ASB14: variants seen among roughly 807,000 people sequenced by gnomAD.
ASB14 encodes the protein ankyrin repeat and SOCS box containing 14.
Under a neutral mutation model 55.6 loss-of-function variants are expected in ASB14, and 63 were observed. The observed-to-expected ratio is 1.13, with a 90% CI of 0.92 to 1.40. The LOEUF (loss-of-function observed/expected upper bound fraction) is 1.40. Among genes scored for constraint, ASB14 ranks in the 40% most tolerant of loss-of-function variants. The pLI, the probability that ASB14 is intolerant of heterozygous loss-of-function variation, is 0.00. For missense variants in ASB14, 724 were observed against 710.4 expected (o/e 1.02, Z -0.22); for synonymous variants, 256 against 259.9 (o/e 0.98, Z 0.15).
Position 57,274,188 on chromosome 3 carries a change from C to T in ASB14, c.*22+2340G>A, listed in dbSNP as rs138381064. On this transcript the variant is annotated intron_variant, in intron 10 of 10. Coordinates refer to ENST00000487349, the MANE Select transcript of ASB14 (RefSeq NM_001142733.3). The stretch of plus-strand genomic sequence containing the variant: ...AAAAAAATCATATAGCTTCAGTTTC[C>T]CTAGAATGGACTATCTAATTCTTTT... Among the ~76,000 whole-genome samples, 71 of 152,182 alleles carry T rather than the reference C, an allele frequency of 4.7e-4. No individual in the cohort carries two copies. In the East Asian group the frequency reaches 0.013, roughly 27 times the overall value.
rs1256794353 is a variant in ASB14, at chr3:57,269,769, A to G, written c.*23-151T>C. ...GGCAGAAGGTAACAACTATGTTGAAATATCAAGGAGGAGATTAAGCTTTAT... is the reference window on the plus strand; with the variant it reads ...GGCAGAAGGTAACAACTATGTTGAAGTATCAAGGAGGAGATTAAGCTTTAT... On this transcript the variant is annotated intron_variant, in intron 10 of 10. Transcript: ENST00000487349. 3 of 1,461,842 alleles carry G rather than the reference A, an allele frequency of 2.1e-6. No individual in the cohort carries two copies. The African/African-American group carries it at 4.2e-5, about 20-fold the overall frequency. The allele number at this position is 1,461,842 out of a possible 1,614,324, so 90.6% of individuals were successfully genotyped here.
At chr3:57,281,032 T>C (rs1407380512) in intron 6 of ASB14, among the ~76,000 whole-genome samples, 2 of 152,036 alleles carry the variant, frequency 1.3e-5, no homozygotes, top group African/African-American at 4.8e-5. Flanking sequence ...TCCAAAATGC[T>C]TGGGACCAGA....
chr3:57,281,745 T>A (rs2061042309), intron 6 of ASB14, among the ~76,000 whole-genome samples: 1 of 152,208 alleles, frequency 6.6e-6, no homozygotes, highest in Non-Finnish European at 1.5e-5. Context: ...TCCCCAAAGA[T>A]GCACACCTAG....
At chr3:57,281,502 T>G (rs2061040015) in intron 6 of ASB14, among the ~76,000 whole-genome samples, 1 of 152,106 alleles carries the variant, frequency 6.6e-6, no homozygotes, top group Non-Finnish European at 1.5e-5. Flanking sequence ...AAAAAAGATG[T>G]AGTGACTTTA....
At chr3:57,285,820 C>CA (rs1408228273) in intron 5 of ASB14, among the ~76,000 whole-genome samples, 1 of 152,118 alleles carries the variant, frequency 6.6e-6, no homozygotes, top group Non-Finnish European at 1.5e-5. Context: ...AGTGCCTGGT[C>CA]ATGTTTGGTC....
chr3:57,279,051 A>G, intron 7 of ASB14, 131 bp from the exon 8 acceptor site: 1 of 807,758 alleles, frequency 1.2e-6, no homozygotes, highest in Non-Finnish European at 1.9e-6. Context: ...AACCAAAAAA[A>G]AAAGCATAAT....
At chr3:57,286,525 T>C (rs2061082096) in intron 5 of ASB14, among the ~76,000 whole-genome samples, 2 of 152,212 alleles carry the variant, frequency 1.3e-5, no homozygotes, top group Non-Finnish European at 2.9e-5. Flanking sequence ...CTAAAACATC[T>C]AACTTTATCC....
chr3:57,289,645 C>G (rs2061112357), intron 2 of ASB14, among the ~76,000 whole-genome samples: 1 of 146,914 alleles, frequency 6.8e-6, no homozygotes, highest in Non-Finnish European at 1.5e-5. Flanking sequence ...ATTTATGAAA[C>G]TTATTTTAAA....
intron 10 of ASB14, chr3:57,273,355 A>AT (rs1489147242): frequency 6.6e-6 from 1 of 152,578 alleles, no homozygotes; most frequent in Admixed American, 6.6e-5. Context: ...TGGAGAACTT[A>AT]TTTTTTCATT....
rs774716466 is a variant in ASB14 at position 57,283,264 on chromosome 3, A to G, written c.645T>C (p.Tyr215=). Residue 215 remains tyrosine, a synonymous_variant, in exon 6 of 11, where the codon TAT becomes TAC. Transcript: ENST00000487349. ...CAGCAAGAGCAAGAGGAGTGAATCCATACGTGCTCTGTGGGTCAGGGTGTG... is the reference window on the plus strand; with the variant it reads ...CAGCAAGAGCAAGAGGAGTGAATCCGTACGTGCTCTGTGGGTCAGGGTGTG... The part of the protein sequence containing the change: ...SGAHPDPQST[Y]GFTPLALAAQ... The G allele has an allele frequency of 4.5e-5, 70 of 1,552,046 alleles. No individual in the cohort carries two copies. Among genetic ancestry groups the G allele is most frequent in the Middle Eastern group, 1.7e-4 (1 of 5,996 alleles).
chr3:57,284,115 T>TGTGTGTGTGTGTGTGTGG (rs2061061714), intron 5 of ASB14, among the ~76,000 whole-genome samples: 1 of 151,184 alleles, frequency 6.6e-6, no homozygotes, highest in South Asian at 2.1e-4. Flanking sequence ...TGTGTGTGTG[T>TGTGTGTGTGTGTGTGTGG]GTGTGTGTGT....
rs1248034806 is a variant in ASB14 at position 57,269,616 on chromosome 3, G to T, written c.*25C>A. 6.2e-7 allele frequency: 1 copy of T among 1,614,116 alleles called. No individual in the cohort carries two copies. The highest frequency in any genetic ancestry group is 1.1e-5 in the South Asian group (1 of 91,072). ...AGCCAGTAGTGAGGGGCAGTTTGTT[G>T]TCCTTAGCAGTAGCCAGTCAGAAGA... On this transcript the variant is annotated splice_region_variant and 3_prime_UTR_variant, in exon 11 of 11. Coordinates refer to ENST00000487349, the MANE Select transcript of ASB14 (RefSeq NM_001142733.3).
At chr3:57,279,264 CTTTTTTTTTTTTTTT>C (rs869152915) in intron 7 of ASB14, among the ~76,000 whole-genome samples, 6 of 88,030 alleles carry the variant, frequency 6.8e-5, no homozygotes, top group Admixed American at 1.3e-4. Flanking sequence ...AAGAGTTTTT[CTTTTTTTTTTTTTTT>C]TTTTTTTTTT....
intron 10 of ASB14, among the ~76,000 whole-genome samples, chr3:57,275,973 A>G (rs2060982431): frequency 6.6e-6 from 1 of 152,302 alleles, no homozygotes; most frequent in South Asian, 2.1e-4. Context: ...AAAATACAGT[A>G]TGTTTAGGGT....
Position 57,278,625 on chromosome 3 carries a change from T to C in ASB14, c.1183A>G (p.Arg395Gly). Residue 395 changes from arginine to glycine, a missense_variant, in exon 8 of 11, where the codon AGG becomes GGG. Coordinates refer to ENST00000487349, the MANE Select transcript of ASB14 (RefSeq NM_001142733.3). ...DPVNCLQIAL[R>G]MGNYELISLL... ...CTGATCAGCTCATAGTTGCCCATCC[T>C]GAGGGCTATCTGGAGGCAGTTAACC... The C allele has an allele frequency of 6.2e-7, 1 of 1,614,204 alleles. No homozygotes were observed. Among genetic ancestry groups the C allele is most frequent in the East Asian group, 2.2e-5 (1 of 44,886 alleles).
chr3:57,291,503 T>C (rs1289066190), intron 2 of ASB14, among the ~76,000 whole-genome samples: 5 of 152,210 alleles, frequency 3.3e-5, no homozygotes, highest in African/African-American at 1.2e-4. Flanking sequence ...TTGATTTGAG[T>C]AGATCAAAGA....
intron 10 of ASB14, chr3:57,271,208 A>ATAAC (rs1217633003): frequency 6.8e-6 from 1 of 147,706 alleles, no homozygotes; most frequent in Non-Finnish European, 1.5e-5. Context: ...GTCTCAAAAT[A>ATAAC]TAACTCAGCT....
rs2061002954 is a variant in ASB14 at position 57,277,874 on chromosome 3, T to C, written c.1478A>G (p.Lys493Arg). The change falls in exon 9 of 11, where the codon AAG becomes AGG. Residue 493 changes from lysine to arginine, a missense_variant. Coordinates refer to ENST00000487349, the MANE Select transcript of ASB14 (RefSeq NM_001142733.3). ...ATAATCAAGCATCACTCGAACAACC[T>C]TTCCAGAGAGATGTTGCAGCCATGA... is the stretch of plus-strand genomic sequence containing the variant. ...TLSWLQHLSG[K>R]VVRVMLDYVD... The C allele has an allele frequency of 5.6e-6, 9 of 1,613,928 alleles. No homozygotes were observed. Among genetic ancestry groups the C allele is most frequent in the Non-Finnish European group, 7.6e-6 (9 of 1,179,890 alleles).
chr3:57,290,573 T>G (rs2061121024), intron 2 of ASB14, among the ~76,000 whole-genome samples: 1 of 152,212 alleles, frequency 6.6e-6, no homozygotes, highest in Non-Finnish European at 1.5e-5. Flanking sequence ...TTACTCCACA[T>G]GTCACAAGTA....
Sources: allele counts gnomAD v4.1 joint callset (sites outside exome capture counted in the v4.1 genomes callset), GRCh38; gene constraint gnomAD v4.1.1; transcripts MANE v1.5; gene names NCBI Gene and HGNC (gene_info 2026-07-23, HGNC 2026-07-21).